The following TRPV3 variants were observed in gnomAD, a reference collection of about 807,000 sequenced individuals.
TRPV3 encodes transient receptor potential cation channel subfamily V member 3, also known as VRL-3.
In TRPV3, 88 loss-of-function variants were observed where a neutral mutation model predicts 87.1. The observed-to-expected ratio is 1.01, with a 90% confidence interval of 0.85 to 1.21. TRPV3 has a LOEUF of 1.21. Among genes scored for constraint, TRPV3 ranks in the 50% most tolerant of loss-of-function variants. TRPV3 has a pLI of 0.00. For synonymous variants in TRPV3, 438 were observed against 423.3 expected, an observed-to-expected ratio of 1.03 and a Z score of -0.43; for missense variants, 1,054 against 1,030.1, an observed-to-expected ratio of 1.02 and a Z score of -0.32.
chr17:3,531,341 C>G (rs1210743425), intron 8 of TRPV3, among the ~76,000 whole-genome samples: 1 of 152,196 alleles, frequency 6.6e-6, no homozygotes, highest in Non-Finnish European at 1.5e-5. Flanking sequence ...CCTGGCCTCA[C>G]AAGACCCACT....
At chr17:3,538,910 C>T (rs921752510) in intron 6 of TRPV3, among the ~76,000 whole-genome samples, 8 of 152,238 alleles carry the variant, frequency 5.3e-5, no homozygotes, top group Non-Finnish European at 7.4e-5. Context: ...AATATGCATG[C>T]GGTTGAACCC....
chr17:3,534,049 C>T (rs2150793186), intron 7 of TRPV3, among the ~76,000 whole-genome samples: 1 of 152,202 alleles, frequency 6.6e-6, no homozygotes, highest in East Asian at 1.9e-4. Flanking sequence ...AAGCCTGGGA[C>T]ACGACCAGCT....
chr17:3,527,906 G>A (rs2074313965), intron 11 of TRPV3, 119 bp downstream of exon 11: 2 of 774,954 alleles, frequency 2.6e-6, no homozygotes, highest in South Asian at 1.5e-5. Flanking sequence ...GAAAGGTAAG[G>A]CTTGGGAAGG....
Position 3,523,370 on chromosome 17 carries a change from C to T in TRPV3, c.1743+828G>A, listed in dbSNP as rs570957192. 2.6e-5 allele frequency among the ~76,000 whole-genome samples: 4 copies of T among 152,286 alleles called. No individual in the cohort carries two copies. The South Asian group carries it at 6.2e-4, about 24-fold the overall frequency. On this transcript the variant is annotated intron_variant, in intron 13 of 17. Coordinates refer to ENST00000576742, the MANE Select transcript of TRPV3 (RefSeq NM_145068.4). ...CTCAACCAACATTCATGTCTGATAG[C>T]ACTCTTTTGTCAATTGCAACCAAAA...
chr17:3,528,097 G>C lies in TRPV3; in HGVS notation c.1431C>G (p.His477Gln). The C allele has an allele frequency of 1.2e-6, 2 of 1,613,626 alleles. No individual in the cohort carries two copies. ...EAIPHPLALT[H>Q]KMGWLQLLGR... ...CTAGGAGCTGCAGCCACCCCATCTT[G>C]TGCGTCAGGGCCAAGGGGTGCGGGA... Residue 477 changes from histidine (H) to glutamine (Q), a missense_variant, in exon 11 of 18, where the codon CAC becomes CAG. By Grantham distance (24) the His-to-Gln change is conservative. Transcript: ENST00000576742. The surrounding 1 kb of genome is among the most constrained non-coding windows in gnomAD (Gnocchi z 4.2).
At chr17:3,527,808 G>A (rs533067878) in intron 11 of TRPV3, 17 of 566,780 alleles carry the variant, frequency 3.0e-5, no homozygotes, top group East Asian at 1.2e-4. Flanking sequence ...GATAAATGGC[G>A]GATAGTTGGG....
At chr17:3,517,255 T>C (rs903595062) in intron 15 of TRPV3, among the ~76,000 whole-genome samples, 1 of 145,308 alleles carries the variant, frequency 6.9e-6, no homozygotes, top group African/African-American at 2.4e-5. Flanking sequence ...CCTCCCAGGC[T>C]TGGAATCTCT....
intron 12 of TRPV3, among the ~76,000 whole-genome samples, chr17:3,525,066 C>G (rs761480133): frequency 6.6e-6 from 1 of 152,214 alleles, no homozygotes; most frequent in Non-Finnish European, 1.5e-5. Context: ...GTCACCTAGG[C>G]TGGAGTACAG....
chr17:3,528,988 T>C lies in TRPV3; in HGVS notation c.1250A>G (p.His417Arg), dbSNP rs1389150451. 1 of 1,614,152 alleles carries C rather than the reference T, an allele frequency of 6.2e-7. No individual in the cohort carries two copies. Among genetic ancestry groups the C allele is most frequent in the Non-Finnish European group, 8.5e-7 (1 of 1,180,022 alleles). ...TVYNTNIDNRHEMLTLEPLHT... is the reference protein window; with the variant it reads ...TVYNTNIDNRREMLTLEPLHT... ...CAGCGGCTCCAGGGTCAGCATCTCA[T>C]GCCGGTTCTAGGGGTAGAATGCCAC... is the stretch of plus-strand genomic sequence containing the variant. Residue 417 changes from histidine to arginine, a missense_variant, in exon 10 of 18, where the codon CAT becomes CGT. Physicochemically the swap from His to Arg is conservative, Grantham distance 29 (BLOSUM62 0). Transcript: ENST00000576742. The surrounding 1 kb of genome is among the most constrained non-coding windows in gnomAD (Gnocchi z 4.2).
chr17:3,517,810 CTTT>C (rs71153363), intron 15 of TRPV3, among the ~76,000 whole-genome samples: 7 of 113,156 alleles, frequency 6.2e-5, no homozygotes, highest in Non-Finnish European at 7.3e-5. Context: ...ATGAGCATTT[CTTT>C]TTTTTTTTTT....
intron 12 of TRPV3, among the ~76,000 whole-genome samples, chr17:3,525,304 G>A (rs1427390628): frequency 6.6e-6 from 1 of 152,174 alleles, no homozygotes; most frequent in Non-Finnish European, 1.5e-5. Flanking sequence ...ACAGGCGTGA[G>A]CCAACGCGCC....
At chr17:3,535,102 G>A (rs984638622) in intron 7 of TRPV3, among the ~76,000 whole-genome samples, 3 of 151,766 alleles carry the variant, frequency 2.0e-5, no homozygotes, top group Non-Finnish European at 2.9e-5. Flanking sequence ...CAGGGACAGT[G>A]TGGGTGGAGC....
intron 2 of TRPV3, among the ~76,000 whole-genome samples, chr17:3,548,522 G>A (rs892900497): frequency 6.6e-6 from 1 of 152,232 alleles, no homozygotes; most frequent in Non-Finnish European, 1.5e-5. Context: ...CTGGGGTGGG[G>A]CAAGCAGGAG....
chr17:3,535,351 C>T (rs2074398062), intron 7 of TRPV3, among the ~76,000 whole-genome samples: 1 of 128,084 alleles, frequency 7.8e-6, no homozygotes, highest in Non-Finnish European at 1.7e-5. Flanking sequence ...CTCCTCCCTT[C>T]CTTCCTCCCT....
Position 3,524,327 on chromosome 17 carries a change from G to C in TRPV3, c.1614C>G (p.Phe538Leu). 1 of 1,614,252 alleles carries C rather than the reference G, an allele frequency of 6.2e-7. No homozygotes were observed. Among genetic ancestry groups the C allele is most frequent in the Non-Finnish European group, 8.5e-7 (1 of 1,180,050 alleles). ...IQAVLVILSV[F>L]LYLFAYKEYL... ...ACTCTTTGTAGGCAAACAAGTACAA[G>C]AAGACAGACAGTATCACAAGCACAG... The change falls in exon 13 of 18, where the codon TTC becomes TTG. Residue 538 changes from phenylalanine (F) to leucine (L), a missense_variant. Coordinates refer to ENST00000576742, the MANE Select transcript of TRPV3 (RefSeq NM_145068.4).
intron 3 of TRPV3, 54 bp from the exon 4 acceptor site, chr17:3,544,719 G>A (rs978426011): frequency 3.0e-5 from 39 of 1,320,400 alleles, no homozygotes; most frequent in African/African-American, 7.2e-5. Flanking sequence ...AAAATGGGCC[G>A]GGTGAGGTGG....
chr17:3,545,344 C>A, intron 2 of TRPV3, 73 bp from the exon 3 acceptor site: 5 of 1,182,476 alleles, frequency 4.2e-6, no homozygotes, highest in South Asian at 1.4e-5. Context: ...TGCCTCCTGG[C>A]CCCAGAGGGT....
chr17:3,550,396 G>A (rs528542258), intron 2 of TRPV3, among the ~76,000 whole-genome samples: 34 of 152,178 alleles, frequency 2.2e-4, no homozygotes, highest in South Asian at 4.1e-4. Flanking sequence ...CTGAGAGCCC[G>A]AGGGAAAGGA....
At chr17:3,532,573 CA>C (rs902170361) in intron 8 of TRPV3, 83 bp downstream of exon 8, 1 of 1,507,746 alleles carries the variant, frequency 6.6e-7, no homozygotes, top group African/African-American at 1.4e-5. Flanking sequence ...TGTGAATCCC[CA>C]GTAAGGCCCC....
Sources: gnomAD v4.1 joint callset for allele counts (sites outside exome capture counted in the v4.1 genomes callset) on GRCh38, gnomAD v4.1.1 for gene constraint, Gnocchi (gnomAD v3.1) non-coding constraint, MANE v1.5 for transcripts, NCBI Gene and HGNC (gene_info 2026-07-23, HGNC 2026-07-21) for gene names.